NKAIN2: variants seen among roughly 807,000 people sequenced by gnomAD.
NKAIN2 encodes the protein sodium/potassium transporting ATPase interacting 2, also known as sodium/potassium-transporting ATPase subunit beta-1-interacting protein 2.
In NKAIN2, 14 loss-of-function variants were observed where a neutral mutation model predicts 32.6. The observed-to-expected ratio is 0.43, with a 90% CI of 0.28 to 0.67. The LOEUF is 0.67. Ranked by LOEUF, NKAIN2 falls within the 30% of genes least tolerant of loss-of-function variation. NKAIN2 has a pLI of 0.17. For synonymous variants in NKAIN2, 80 were observed against 87.2 expected (o/e 0.92, Z 0.46); for missense variants, 198 against 258.3 (o/e 0.77, Z 1.60).
At chr6:124,271,326 C>T (rs1018449757) in intron 1 of NKAIN2, among the ~76,000 whole-genome samples, 9 of 152,152 alleles carry the variant, frequency 5.9e-5, no homozygotes, top group Non-Finnish European at 1.0e-4. Flanking sequence ...ACGCCATTCT[C>T]CTGCCTCAGC....
rs1011801282 is a variant in NKAIN2, at chr6:124,195,022, A to G, written c.55-87983A>G. Among the ~76,000 whole-genome samples, 15 of 150,900 alleles carry G rather than the reference A, an allele frequency of 9.9e-5. No individual in the cohort carries two copies. The South Asian group carries it at 3.1e-3, about 31-fold the overall frequency. ...TTTTTTTTTTTTTTAGTTTTAAAGTATAAAGAATATAAAATGCAATTTTTT... is the reference window on the plus strand; with the variant it reads ...TTTTTTTTTTTTTTAGTTTTAAAGTGTAAAGAATATAAAATGCAATTTTTT... On this transcript the variant is annotated intron_variant, in intron 1 of 6. Transcript: ENST00000368417.
chr6:123,829,528 C>T (rs1277428061), intron 1 of NKAIN2, among the ~76,000 whole-genome samples: 1 of 152,158 alleles, frequency 6.6e-6, no homozygotes, highest in Non-Finnish European at 1.5e-5. Context: ...AGTTAATTCT[C>T]AACTTTACTT....
intron 4 of NKAIN2, among the ~76,000 whole-genome samples, chr6:124,670,005 G>A (rs896948333): frequency 5.9e-5 from 9 of 151,930 alleles, no homozygotes; most frequent in African/African-American, 2.2e-4. Context: ...TCTTCACTCT[G>A]TTTTCTATCT....
chr6:124,199,058 A>G (rs1790475107), intron 1 of NKAIN2, among the ~76,000 whole-genome samples: 1 of 152,220 alleles, frequency 6.6e-6, no homozygotes, highest in South Asian at 2.1e-4. Flanking sequence ...TTATAATATT[A>G]AAATGATGTG....
At chr6:123,857,209 A>T (rs914592089) in intron 1 of NKAIN2, among the ~76,000 whole-genome samples, 2 of 152,064 alleles carry the variant, frequency 1.3e-5, no homozygotes, top group African/African-American at 4.8e-5. Context: ...ACCCTAAAAT[A>T]AGAAACCCTG....
chr6:124,162,123 T>C (rs970687429), intron 1 of NKAIN2, among the ~76,000 whole-genome samples: 8 of 152,090 alleles, frequency 5.3e-5, no homozygotes, highest in African/African-American at 9.7e-5. Context: ...TATCACTCAT[T>C]TGATTTCAGG....
At chr6:123,865,866 A>G (rs893469642) in intron 1 of NKAIN2, among the ~76,000 whole-genome samples, 50 of 152,358 alleles carry the variant, frequency 3.3e-4, no homozygotes, top group African/African-American at 1.2e-3. Flanking sequence ...CAGAGTGTGC[A>G]AATAATTGGA....
intron 1 of NKAIN2, among the ~76,000 whole-genome samples, chr6:123,830,433 G>T (rs1291916291): frequency 6.6e-6 from 1 of 152,010 alleles, no homozygotes; most frequent in African/African-American, 2.4e-5. Flanking sequence ...ACTCCCCTTT[G>T]CTAATAAATT....
chr6:124,740,426 A>G (rs527553981), intron 4 of NKAIN2, among the ~76,000 whole-genome samples: 97 of 141,412 alleles, frequency 6.9e-4, no homozygotes, highest in African/African-American at 2.5e-3. Flanking sequence ...AGATTAACAT[A>G]TATATATATA....
At chr6:123,838,533 C>T (rs913170935) in intron 1 of NKAIN2, among the ~76,000 whole-genome samples, 5 of 151,904 alleles carry the variant, frequency 3.3e-5, no homozygotes, top group Middle Eastern at 3.2e-3. Context: ...GGAAGGTTTT[C>T]GATTTTACAT....
chr6:124,115,164 G>T (rs1053886038), intron 1 of NKAIN2, among the ~76,000 whole-genome samples: 1 of 152,062 alleles, frequency 6.6e-6, no homozygotes, highest in African/African-American at 2.4e-5. Flanking sequence ...TTTAACGTTA[G>T]GCTATATATA....
At chr6:124,346,692 T>G (rs1798440764) in intron 2 of NKAIN2, among the ~76,000 whole-genome samples, 3 of 151,810 alleles carry the variant, frequency 2.0e-5, no homozygotes, top group South Asian at 4.2e-4. Flanking sequence ...GCTTGGTAGA[T>G]CTTCCTCCAT....
At chr6:124,761,915 A>G (rs924241900) in intron 4 of NKAIN2, among the ~76,000 whole-genome samples, 1 of 152,186 alleles carries the variant, frequency 6.6e-6, no homozygotes, top group African/African-American at 2.4e-5. Context: ...GTGCAGATGT[A>G]TACCCCATAA....
chr6:123,976,290 TATG>T (rs1778578428), intron 1 of NKAIN2, among the ~76,000 whole-genome samples: 1 of 113,662 alleles, frequency 8.8e-6, no homozygotes, highest in Non-Finnish European at 1.9e-5. Context: ...TTTCCATATA[TATG>T]TTTCCATATA....
At chr6:124,779,873 T>A (rs949952773) in intron 4 of NKAIN2, among the ~76,000 whole-genome samples, 4 of 152,186 alleles carry the variant, frequency 2.6e-5, no homozygotes, top group African/African-American at 9.7e-5. Flanking sequence ...ATTCAAAATG[T>A]TGACCTAAAA....
At chr6:124,620,209 GT>G in intron 3 of NKAIN2, among the ~76,000 whole-genome samples, 1 of 152,160 alleles carries the variant, frequency 6.6e-6, no homozygotes, top group East Asian at 1.9e-4. Flanking sequence ...TACTTCTTTA[GT>G]GTTTATTGCA....
At chr6:124,075,944 A>G (rs547825025) in intron 1 of NKAIN2, among the ~76,000 whole-genome samples, 1 of 152,186 alleles carries the variant, frequency 6.6e-6, no homozygotes, top group East Asian at 1.9e-4. Flanking sequence ...ATACATGCAC[A>G]CACTTTTGTA....
chr6:124,626,477 T>G (rs2114284262), intron 3 of NKAIN2, among the ~76,000 whole-genome samples: 1 of 152,208 alleles, frequency 6.6e-6, no homozygotes, highest in African/African-American at 2.4e-5. Flanking sequence ...TGGGCCAAAA[T>G]GCAGCATTCA....
chr6:124,723,301 G>A (rs567212283), intron 4 of NKAIN2, among the ~76,000 whole-genome samples: 3 of 152,192 alleles, frequency 2.0e-5, no homozygotes, highest in Admixed American at 6.5e-5. Flanking sequence ...TTTACATCAC[G>A]GTGCTGAACG....
Sources: gnomAD v4.1 joint callset for allele counts (sites outside exome capture counted in the v4.1 genomes callset) on GRCh38, gnomAD v4.1.1 for gene constraint, MANE v1.5 for transcripts, NCBI Gene and HGNC (gene_info 2026-07-23, HGNC 2026-07-21) for gene names.